Variants in MAP3K2 observed in about 807,000 individuals in gnomAD.
MAP3K2 encodes the protein MAP/ERK kinase kinase 2.
A neutral mutation model predicts 80.3 loss-of-function variants in MAP3K2; 24 were observed. The ratio of observed to expected loss-of-function variants is 0.30; its 90% CI spans 0.22 to 0.42. MAP3K2 has a LOEUF of 0.42. Among genes scored for constraint, MAP3K2 ranks in the 10% least tolerant of loss-of-function variants. The pLI, the probability that MAP3K2 is intolerant of heterozygous loss-of-function variation, is 1.00. For missense variants in MAP3K2, 608 were observed against 750.1 expected, an observed-to-expected ratio of 0.81 and a Z score of 2.21; for synonymous variants, 244 against 253.7, an observed-to-expected ratio of 0.96 and a Z score of 0.36.
intron 1 of MAP3K2, among the ~76,000 whole-genome samples, chr2:127,346,406 GTT>G (rs202238262): frequency 3.2e-4 from 31 of 95,584 alleles, no homozygotes; most frequent in South Asian, 2.0e-3. Context: ...ACAAAAACTG[GTT>G]TTAAAAAAAA....
intron 7 of MAP3K2, 25 bp downstream of exon 7, chr2:127,329,896 C>A: frequency 7.7e-7 from 1 of 1,295,640 alleles, no homozygotes. Flanking sequence ...TCATTCATTT[C>A]ATAATTCAGA....
chr2:127,384,958 G>A (rs1017282965), intron 1 of MAP3K2, among the ~76,000 whole-genome samples: 5 of 152,100 alleles, frequency 3.3e-5, no homozygotes, highest in African/African-American at 1.2e-4. Flanking sequence ...TTCTTGAGAT[G>A]GAATCTACTC....
At chr2:127,366,221 A>C (rs1686968296) in intron 1 of MAP3K2, among the ~76,000 whole-genome samples, 1 of 152,094 alleles carries the variant, frequency 6.6e-6, no homozygotes, top group South Asian at 2.1e-4. Flanking sequence ...CGTCAATACC[A>C]ATTTATTAAC....
At chr2:127,349,462 G>A (rs549411426) in intron 1 of MAP3K2, among the ~76,000 whole-genome samples, 45 of 152,160 alleles carry the variant, frequency 3.0e-4, no homozygotes, top group Middle Eastern at 3.4e-3. Flanking sequence ...GCCTGGTCTC[G>A]AGAAAGTGCT....
At chr2:127,317,133 T>A (rs1251155794) in intron 14 of MAP3K2, among the ~76,000 whole-genome samples, 1 of 150,906 alleles carries the variant, frequency 6.6e-6, no homozygotes, top group Non-Finnish European at 1.5e-5. Context: ...CAAATCTATA[T>A]CATGTACAAA....
At chr2:127,348,683 T>C (rs773419244) in intron 1 of MAP3K2, among the ~76,000 whole-genome samples, 41 of 152,248 alleles carry the variant, frequency 2.7e-4, no homozygotes, top group Non-Finnish European at 4.4e-4. Flanking sequence ...TGCACAACTC[T>C]GTGAATAAAT....
rs1303895457 is a variant in MAP3K2 at position 127,387,437 on chromosome 2, C to T, written c.-66+15G>A. 4.5e-4 allele frequency: 445 copies of T among 979,340 alleles called. No individual in the cohort carries two copies. Among genetic ancestry groups the T allele is most frequent in the Non-Finnish European group, 5.2e-4 (431 of 827,932 alleles). The allele number at this position is 979,340 out of a possible 1,614,324, so 60.7% of individuals were successfully genotyped here. A position where few individuals can be genotyped will look rare whatever the true frequency, so the allele number is the denominator to read the frequency against. On this transcript the variant is annotated intron_variant, in intron 1 of 16. Coordinates refer to ENST00000682094, the MANE Select transcript of MAP3K2 (RefSeq NM_001371910.2). ...ACACACACACAAGCGCGCGCGCACGCACACACGCACGTACCGGCTGCTCCG... is the reference window on the plus strand; with the variant it reads ...ACACACACACAAGCGCGCGCGCACGTACACACGCACGTACCGGCTGCTCCG...
chr2:127,327,565 C>CAAA (rs35285745), intron 7 of MAP3K2, among the ~76,000 whole-genome samples: 1 of 130,266 alleles, frequency 7.7e-6, no homozygotes, highest in African/African-American at 2.9e-5. Context: ...GAGATAGGAC[C>CAAA]AAAAAAAAAA....
intron 1 of MAP3K2, among the ~76,000 whole-genome samples, chr2:127,343,862 T>TAGGGAGTAGAAA (rs1686545625): frequency 6.6e-6 from 1 of 151,622 alleles, no homozygotes; most frequent in Admixed American, 6.6e-5. Context: ...TACAAAAAAA[T>TAGGGAGTAGAAA]ACAAAAATTA....
intron 1 of MAP3K2, among the ~76,000 whole-genome samples, chr2:127,354,652 A>T (rs1303513327): frequency 6.6e-6 from 1 of 152,120 alleles, no homozygotes; most frequent in Non-Finnish European, 1.5e-5. Context: ...ACTGCTTCCC[A>T]AAACATACAA....
upstream of MAP3K2, chr2:127,388,432 G>C: frequency 3.0e-6 from 3 of 985,204 alleles, no homozygotes; most frequent in Non-Finnish European, 3.6e-6. Context: ...TGTGGCTCAA[G>C]TTTCAGAATT....
At chr2:127,354,198 T>A (rs1686757633) in intron 1 of MAP3K2, among the ~76,000 whole-genome samples, 1 of 135,222 alleles carries the variant, frequency 7.4e-6, no homozygotes, top group Non-Finnish European at 1.5e-5. Flanking sequence ...CCTATGACCC[T>A]GCCAAATACC....
chr2:127,378,866 A>G (rs749508296), intron 1 of MAP3K2, among the ~76,000 whole-genome samples: 1 of 152,088 alleles, frequency 6.6e-6, no homozygotes, highest in African/African-American at 2.4e-5. Context: ...TCCTGGGCTC[A>G]AGCAATCCTC....
intron 1 of MAP3K2, among the ~76,000 whole-genome samples, chr2:127,374,276 C>T (rs945970163): frequency 6.6e-6 from 1 of 152,174 alleles, no homozygotes; most frequent in South Asian, 2.1e-4. Context: ...ACCCTGTGTG[C>T]ACTTTTTCTC....
chr2:127,343,060 G>C, intron 2 of MAP3K2, 66 bp downstream of exon 2: 1 of 1,303,274 alleles, frequency 7.7e-7, no homozygotes, highest in East Asian at 2.5e-5. Context: ...ACATAATAGA[G>C]AAAGTTTTTT....
rs892010212 is a variant in MAP3K2, at chr2:127,307,412, ATAT to A, written c.*164_*166del. 47 of 423,374 alleles carry A rather than the reference ATAT, an allele frequency of 1.1e-4. No homozygotes were observed. Among genetic ancestry groups the A allele is most frequent in the Admixed American group, 4.7e-4 (12 of 25,316 alleles). The allele number at this position is 423,374 out of a possible 1,614,324, so 26.2% of individuals were successfully genotyped here. A position where few individuals can be genotyped will look rare whatever the true frequency, so the allele number is the denominator to read the frequency against. ...AAAGATTAAATATAAAAAATTTAGG[ATAT>A]TATTATTATTAAACAAATTTAACCA... On this transcript the variant is annotated 3_prime_UTR_variant, in exon 17 of 17. Transcript: ENST00000682094. The surrounding 1 kb of genome is among the most constrained non-coding windows in gnomAD (Gnocchi z 5.4).
At chr2:127,378,085 A>T in intron 1 of MAP3K2, 1 of 629,388 alleles carries the variant, frequency 1.6e-6, no homozygotes, top group Non-Finnish European at 2.0e-6. Context: ...TACAGAGATT[A>T]AACCTAAGAA....
upstream of MAP3K2, chr2:127,387,981 G>T: frequency 2.0e-6 from 2 of 984,296 alleles, no homozygotes; most frequent in Non-Finnish European, 2.4e-6. Flanking sequence ...GTGACGTCGG[G>T]CGTAGCGCGG....
chr2:127,360,449 T>G (rs940342913), intron 1 of MAP3K2, among the ~76,000 whole-genome samples: 6 of 152,056 alleles, frequency 3.9e-5, no homozygotes, highest in Non-Finnish European at 8.8e-5. Flanking sequence ...CAAAAGAGCC[T>G]GAACAAACTT....
Sources: allele counts gnomAD v4.1 joint callset (sites outside exome capture counted in the v4.1 genomes callset), GRCh38; gene constraint gnomAD v4.1.1; non-coding constraint Gnocchi (gnomAD v3.1); transcripts MANE v1.5; gene names NCBI Gene and HGNC (gene_info 2026-07-23, HGNC 2026-07-21).